Variants in CD209 observed in about 807,000 individuals in gnomAD.
CD209 encodes the protein CD209 antigen.
In CD209, 31 loss-of-function variants were observed where a neutral mutation model predicts 44.7. That is an observed-to-expected ratio of 0.69 (90% CI 0.52 to 0.94). The LOEUF is 0.94. Ranked by LOEUF, CD209 falls within the 40% of genes least tolerant of loss-of-function variation. The probability of loss-of-function intolerance (pLI) is 0.00; values close to 1 mark genes in which losing one functional copy is unlikely to be tolerated. For missense variants in CD209, 407 were observed against 452.4 expected, an observed-to-expected ratio of 0.90 and a Z score of 0.91; for synonymous variants, 173 against 181.3, an observed-to-expected ratio of 0.95 and a Z score of 0.37.
At chr19:7,744,614 C>T (rs2033737454) in intron 5 of CD209, among the ~76,000 whole-genome samples, 1 of 152,242 alleles carries the variant, frequency 6.6e-6, no homozygotes, top group Non-Finnish European at 1.5e-5. Flanking sequence ...AGCTTGAAAT[C>T]AGCCACCATG....
chr19:7,745,130 G>T, intron 4 of CD209, 38 bp from the exon 5 acceptor site: 2 of 1,612,292 alleles, frequency 1.2e-6, no homozygotes, highest in African/African-American at 2.7e-5. Context: ...GCTTAGATTA[G>T]GTTGTCCATA....
In CD209 at chr19:7,743,266, C is replaced by A. The variant is rs754150508; in HGVS notation, c.1014-26G>T. The A allele has an allele frequency of 3.8e-6, 6 of 1,594,360 alleles. No individual in the cohort carries two copies. The South Asian group carries it at 6.6e-5, about 18-fold the overall frequency. Reference sequence around the variant, plus strand: ...CTGCAAAGCCCATGCGGAATGTGAGCCTCTGTCCCCGCCAGCTACATGAGC... The same window carrying A: ...CTGCAAAGCCCATGCGGAATGTGAGACTCTGTCCCCGCCAGCTACATGAGC... On this transcript the variant is annotated intron_variant, in intron 6 of 6. Transcript: ENST00000315599.
At chr19:7,744,359 T>A in intron 5 of CD209, 140 bp from the exon 6 acceptor site, 1 of 644,302 alleles carries the variant, frequency 1.6e-6, no homozygotes, top group South Asian at 1.9e-5. Flanking sequence ...CCCTCGTGTC[T>A]GAGTCCCTCT....
At position 7,742,969 on chromosome 19, in the gene CD209, G is replaced by C; in HGVS notation, c.*70C>G. Reference sequence around the variant, plus strand: ...AGGAGGAAGAATCTGACAAAGAACAGTCCCAGAGATTTTGTGAAGGTCGAA... The same window carrying C: ...AGGAGGAAGAATCTGACAAAGAACACTCCCAGAGATTTTGTGAAGGTCGAA... On this transcript the variant is annotated 3_prime_UTR_variant, in exon 7 of 7. Coordinates refer to ENST00000315599, the MANE Select transcript of CD209 (RefSeq NM_021155.4). The C allele has an allele frequency of 8.1e-7, 1 of 1,233,950 alleles. No homozygotes were observed. The highest frequency in any genetic ancestry group is 1.2e-6 in the Non-Finnish European group (1 of 840,406). The allele number at this position is 1,233,950 out of a possible 1,614,324, so 76.4% of individuals were successfully genotyped here.
chr19:7,745,224 C>A (rs950307435), intron 4 of CD209, 132 bp from the exon 5 acceptor site: 6 of 1,275,080 alleles, frequency 4.7e-6, no homozygotes, highest in Non-Finnish European at 6.5e-6. Context: ...TTCCCCTCCC[C>A]ACTTCCCGAG....
At position 7,743,073 on chromosome 19, in the gene CD209, G is replaced by A. The variant is rs567293520; in HGVS notation, c.1181C>T (p.Pro394Leu). 6.2e-7 allele frequency: 1 copy of A among 1,613,930 alleles called. No homozygotes were observed. The highest frequency in any genetic ancestry group is 2.2e-5 in the East Asian group (1 of 44,884). ...CSRDEEQFLS[P>L]APATPNPPPA is the part of the protein sequence containing the mutation. ...AGGGGGGTTTGGGGTGGCAGGGGCT[G>A]GAGAAAGAAACTGTTCTTCATCCCT... The change falls in exon 7 of 7, where the codon CCA becomes CTA. Residue 394 changes from proline to leucine, a missense_variant. Pro to Leu is a moderately conservative substitution (Grantham distance 98). Transcript: ENST00000315599.
rs1385491361 is a variant in CD209, at chr19:7,743,295, G to A, written c.1014-55C>T. 2.7e-6 allele frequency: 4 copies of A among 1,468,686 alleles called. No individual in the cohort carries two copies. The East Asian group carries it at 9.1e-5, about 33-fold the overall frequency. 91.0% of individuals were successfully genotyped at this position (1,468,686 alleles called of 1,614,324 possible). ...TGTCCCCGCCAGCTACATGAGCTGT[G>A]TTTCTACCTTCTGTCATCTTGATGC... On this transcript the variant is annotated intron_variant, in intron 6 of 6. Coordinates refer to ENST00000315599, the MANE Select transcript of CD209 (RefSeq NM_021155.4).
In CD209 at chr19:7,745,711, C is replaced by T; in HGVS notation, c.555G>A (p.Glu185=). ...RLKAAVGELP[E]KSKQQEIYQE... Reference sequence around the variant, plus strand: ...GGTAGATCTCCTGCTGCTTAGATTTCTCTGGAAGCTCACCCACTGCAGCCT... The same window carrying T: ...GGTAGATCTCCTGCTGCTTAGATTTTTCTGGAAGCTCACCCACTGCAGCCT... The change falls in exon 4 of 7, where the codon GAG becomes GAA. Residue 185 remains glutamate, a synonymous_variant. Transcript: ENST00000315599. The T allele has an allele frequency of 6.3e-7, 1 of 1,597,760 alleles. No individual in the cohort carries two copies.
At position 7,745,624 on chromosome 19, in the gene CD209, C is replaced by G. The variant is rs11465377; in HGVS notation, c.642G>C (p.Glu214Asp). The G allele has an allele frequency of 2.4e-3, 1,467 of 617,376 alleles. 3 individuals carry two copies. In the African/African-American group the frequency reaches 0.03, roughly 13 times the overall value. The allele number at this position is 617,376 out of a possible 1,614,324, so 38.2% of individuals were successfully genotyped here. The change falls in exon 4 of 7, where the codon GAG becomes GAC. Residue 214 changes from glutamate (E) to aspartate (D), a missense_variant. By Grantham distance (45) the Glu-to-Asp change is conservative. Around this residue, in one of 3 missense-constraint regions of CD209, gnomAD observed 85 missense variants for 139.9 expected, o/e 0.61. Coordinates refer to ENST00000315599, the MANE Select transcript of CD209 (RefSeq NM_021155.4). ...TCAGCCGGGTCAGCTCCTGGTAGAT[C>G]TCCTGCTGCTTAGATTTCTCTGGAA... is the stretch of plus-strand genomic sequence containing the variant. ...GELPEKSKQQ[E>D]IYQELTRLKA...
At position 7,746,018 on chromosome 19, in the gene CD209, T is replaced by G. The variant is rs1218689309; in HGVS notation, c.248A>C (p.Gln83Pro). The G allele has an allele frequency of 7.4e-6, 12 of 1,614,144 alleles. No homozygotes were observed. Among genetic ancestry groups the G allele is most frequent in the Non-Finnish European group, 1.0e-5 (12 of 1,180,056 alleles). Residue 83 changes from glutamine to proline, a missense_variant, in exon 4 of 7, where the codon CAG becomes CCG. This residue lies in a region of CD209 where 122 missense variants were observed against 110.3 expected (regional missense o/e 1.11). Transcript: ENST00000315599. ...GAGCTCACCCACTGCAGCTTTAAGC[T>G]GGGTCAGGTTCTGGTAGATCGCGTC... ...RQDAIYQNLT[Q>P]LKAAVGELSE...
At chr19:7,746,430 G>A (rs1450990392) in intron 3 of CD209, 30 bp downstream of exon 3, 1 of 1,611,226 alleles carries the variant, frequency 6.2e-7, no homozygotes, top group African/African-American at 1.3e-5. Context: ...CAGGCGTGGG[G>A]ACCCCAGACC....
chr19:7,741,297 C>T lies in CD209; in HGVS notation c.*1742G>A. On this transcript the variant is annotated 3_prime_UTR_variant, in exon 7 of 7. Coordinates refer to ENST00000315599, the MANE Select transcript of CD209 (RefSeq NM_021155.4). Reference sequence around the variant, plus strand: ...CCATCCTGGTCAACATGTTGAAACCCCGTCTCTACCAAAAATACAAGAATT... The same window carrying T: ...CCATCCTGGTCAACATGTTGAAACCTCGTCTCTACCAAAAATACAAGAATT... 5.0e-6 allele frequency: 2 copies of T among 400,706 alleles called. No individual in the cohort carries two copies. Among genetic ancestry groups the T allele is most frequent in the Non-Finnish European group, 9.2e-6 (2 of 217,726 alleles). The allele number at this position is 400,706 out of a possible 1,614,324, so 24.8% of individuals were successfully genotyped here.
At chr19:7,744,688 G>C (rs1037990588) in intron 5 of CD209, among the ~76,000 whole-genome samples, 1 of 152,202 alleles carries the variant, frequency 6.6e-6, no homozygotes, top group African/African-American at 2.4e-5. Context: ...CCAGAGAGCT[G>C]GTTGTTAACC....
chr19:7,747,261 C>A (rs1352118706), intron 2 of CD209, 45 bp downstream of exon 2: 2 of 1,603,230 alleles, frequency 1.2e-6, no homozygotes, highest in Non-Finnish European at 1.7e-6. Flanking sequence ...CCCAGGAGTC[C>A]AGGAGTCTCT....
rs573735640 is a variant in CD209 at position 7,741,950 on chromosome 19, A to G, written c.*1089T>C. Reference sequence around the variant, plus strand: ...GAAAAGGAAGAAATCTCACTAGCACATGTCAAAGAGCCAGGAGAGGCACAA... The same window carrying G: ...GAAAAGGAAGAAATCTCACTAGCACGTGTCAAAGAGCCAGGAGAGGCACAA... On this transcript the variant is annotated 3_prime_UTR_variant, in exon 7 of 7. Transcript: ENST00000315599. 6.3e-5 allele frequency: 24 copies of G among 379,296 alleles called. No homozygotes were observed. Among genetic ancestry groups the G allele is most frequent in the Non-Finnish European group, 9.4e-5 (18 of 190,724 alleles). 23.5% of individuals were successfully genotyped at this position (379,296 alleles called of 1,614,324 possible).
In CD209 at chr19:7,740,097, G is replaced by A. The variant is rs11465425; in HGVS notation, c.*2942C>T. The A allele has an allele frequency of 0.027, 4,239 of 159,460 alleles. 202 individuals are homozygous for A. Among genetic ancestry groups the A allele is most frequent in the African/African-American group, 0.097 (4,014 of 41,546 alleles). The allele number at this position is 159,460 out of a possible 1,614,324, so 9.9% of individuals were successfully genotyped here. ...GAGGCTGGGGCAGATTTTATATACA[G>A]AGGGTAGTGAGGCATGATATGATTG... On this transcript the variant is annotated 3_prime_UTR_variant, in exon 7 of 7. Transcript: ENST00000315599.
rs1455339432 is a variant in CD209 at position 7,740,171 on chromosome 19, C to T, written c.*2868G>A. On this transcript the variant is annotated 3_prime_UTR_variant, in exon 7 of 7. Coordinates refer to ENST00000315599, the MANE Select transcript of CD209 (RefSeq NM_021155.4). ...GAGGCTTGATCTGACTGGATCACGC[C>T]AGGGCTCAATCTGATTGGATCAAGG... The T allele has an allele frequency of 3.9e-6, 1 of 254,378 alleles. No homozygotes were observed. Among genetic ancestry groups the T allele is most frequent in the Non-Finnish European group, 7.6e-6 (1 of 132,446 alleles). 15.8% of individuals were successfully genotyped at this position (254,378 alleles called of 1,614,324 possible).
chr19:7,744,607 T>TTGTTG (rs2033736664), intron 5 of CD209, among the ~76,000 whole-genome samples: 1 of 152,228 alleles, frequency 6.6e-6, no homozygotes, highest in Non-Finnish European at 1.5e-5. Context: ...CAACGACAGC[T>TTGTTG]TGAAATCAGC....
chr19:7,740,394 G>A lies in CD209; in HGVS notation c.*2645C>T, dbSNP rs2033573138. 3.4e-6 allele frequency: 2 copies of A among 591,886 alleles called. No individual in the cohort carries two copies. The highest frequency in any genetic ancestry group is 4.6e-4 in the Middle Eastern group (1 of 2,186). The allele number at this position is 591,886 out of a possible 1,614,324, so 36.7% of individuals were successfully genotyped here. A position where few individuals can be genotyped will look rare whatever the true frequency, so the allele number is the denominator to read the frequency against. Reference sequence around the variant, plus strand: ...TGAACCAGATTGGGCTGAATCTGCGGTTACAATGTTTACCAGTTTATTATA... The same window carrying A: ...TGAACCAGATTGGGCTGAATCTGCGATTACAATGTTTACCAGTTTATTATA... On this transcript the variant is annotated 3_prime_UTR_variant, in exon 7 of 7. Transcript: ENST00000315599.
Sources: gnomAD v4.1 joint callset for allele counts (sites outside exome capture counted in the v4.1 genomes callset) on GRCh38, gnomAD v4.1.1 for gene constraint, gnomAD v4.1.1 regional missense constraint, MANE v1.5 for transcripts, NCBI Gene and HGNC (gene_info 2026-07-23, HGNC 2026-07-21) for gene names.